ARID2: variants seen among roughly 807,000 people sequenced by gnomAD.
ARID2 encodes AT-rich interaction domain 2.
In ARID2, 32 loss-of-function variants were observed where a neutral mutation model predicts 184.6. That is an observed-to-expected ratio of 0.17 (90% CI 0.13 to 0.23). The LOEUF is 0.23. ARID2 is among the 10% of genes least tolerant of loss of function. The probability of loss-of-function intolerance (pLI) is 1.00; values close to 1 mark genes in which losing one functional copy is unlikely to be tolerated. For missense variants in ARID2, 1,696 were observed against 2,197.6 expected (o/e 0.77, Z 4.56); for synonymous variants, 836 against 772.6 (o/e 1.08, Z -1.36).
chr12:45,824,241 A>G (rs930925892), intron 6 of ARID2, among the ~76,000 whole-genome samples: 3 of 152,098 alleles, frequency 2.0e-5, no homozygotes, highest in African/African-American at 4.8e-5. Context: ...TTCTATGCCT[A>G]ATTTCTTGAA....
At chr12:45,802,874 C>G (rs1942532308) in intron 3 of ARID2, among the ~76,000 whole-genome samples, 1 of 152,152 alleles carries the variant, frequency 6.6e-6, no homozygotes, top group Non-Finnish European at 1.5e-5. Flanking sequence ...AACTTCTTTG[C>G]CACGTTCGTC....
intron 3 of ARID2, among the ~76,000 whole-genome samples, chr12:45,738,248 A>G (rs1187464907): frequency 6.6e-6 from 1 of 152,142 alleles, no homozygotes; most frequent in East Asian, 1.9e-4. Context: ...ACTAACAATA[A>G]CCTGTTTTGT....
At chr12:45,736,628 G>T (rs1357962822) in intron 3 of ARID2, among the ~76,000 whole-genome samples, 1 of 152,176 alleles carries the variant, frequency 6.6e-6, no homozygotes, top group Non-Finnish European at 1.5e-5. Flanking sequence ...GGAGCAGACG[G>T]ATGGGGTTGA....
At chr12:45,759,291 T>C (rs1480497482) in intron 3 of ARID2, among the ~76,000 whole-genome samples, 1 of 152,174 alleles carries the variant, frequency 6.6e-6, no homozygotes, top group Admixed American at 6.6e-5. Flanking sequence ...ATTGGTGATA[T>C]GTATATGTGT....
At chr12:45,797,931 GAA>G (rs1009009935) in intron 3 of ARID2, among the ~76,000 whole-genome samples, 4 of 151,684 alleles carry the variant, frequency 2.6e-5, no homozygotes, top group African/African-American at 9.7e-5. Context: ...TTCTTAAAAA[GAA>G]AATAAATAAT....
intron 4 of ARID2, among the ~76,000 whole-genome samples, chr12:45,817,157 A>G (rs995296595): frequency 1.3e-5 from 2 of 152,120 alleles, no homozygotes; most frequent in African/African-American, 4.8e-5. Context: ...GTAGATTGAG[A>G]CACCAGCCCG....
intron 15 of ARID2, among the ~76,000 whole-genome samples, chr12:45,855,790 C>T (rs1370525500): frequency 3.3e-5 from 5 of 152,180 alleles, no homozygotes; most frequent in African/African-American, 1.2e-4. Flanking sequence ...AATCACAGCT[C>T]ACTGCAGCCT....
chr12:45,849,440 A>G, intron 13 of ARID2, 140 bp from the exon 14 acceptor site: 1 of 533,200 alleles, frequency 1.9e-6, no homozygotes. Context: ...TTTGCTTTCC[A>G]TCCTTGCAGA....
chr12:45,895,499 TAGAC>T (rs1188469272), intron 20 of ARID2, among the ~76,000 whole-genome samples: 1 of 152,290 alleles, frequency 6.6e-6, no homozygotes, highest in East Asian at 1.9e-4. Flanking sequence ...ATTTGATTGA[TAGAC>T]AGGTGGTGGG....
intron 12 of ARID2, 100 bp downstream of exon 12, chr12:45,847,037 A>T (rs1021319659): frequency 9.5e-7 from 1 of 1,051,190 alleles, no homozygotes; most frequent in African/African-American, 1.6e-5. Flanking sequence ...TTTGTTCTGT[A>T]TTCCTTTTTA....
At position 45,905,503 on chromosome 12, in the gene ARID2, G is replaced by A. The variant is rs1352179797; in HGVS notation, c.*425G>A. On this transcript the variant is annotated 3_prime_UTR_variant, in exon 21 of 21. Coordinates refer to ENST00000334344, the MANE Select transcript of ARID2 (RefSeq NM_152641.4). ...AGCACATTTTTATATTTACAAAACCGTTTAAGCTGGTTTGAATAATTTAAA... is the reference window on the plus strand; with the variant it reads ...AGCACATTTTTATATTTACAAAACCATTTAAGCTGGTTTGAATAATTTAAA... 1.3e-5 allele frequency: 3 copies of A among 233,318 alleles called. No homozygotes were observed. Among genetic ancestry groups the A allele is most frequent in the African/African-American group, 4.4e-5 (2 of 45,294 alleles). The allele number at this position is 233,318 out of a possible 1,614,324, so 14.5% of individuals were successfully genotyped here.
intron 12 of ARID2, among the ~76,000 whole-genome samples, chr12:45,847,399 G>T (rs1943462953): frequency 6.6e-6 from 1 of 152,012 alleles, no homozygotes; most frequent in Non-Finnish European, 1.5e-5. Flanking sequence ...TTTTGGGTTT[G>T]TAATAGTAGA....
chr12:45,902,941 A>T (rs759366984), intron 20 of ARID2, among the ~76,000 whole-genome samples: 17 of 152,224 alleles, frequency 1.1e-4, no homozygotes, highest in Non-Finnish European at 2.1e-4. Flanking sequence ...TATAAAACAG[A>T]AGTGTAAAGT....
intron 3 of ARID2, among the ~76,000 whole-genome samples, chr12:45,747,755 TAACA>T (rs898996629): frequency 3.9e-5 from 6 of 152,246 alleles, no homozygotes; most frequent in Non-Finnish European, 8.8e-5. Flanking sequence ...GAATATTAAT[TAACA>T]TTGTGGTAAA....
intron 12 of ARID2, among the ~76,000 whole-genome samples, 188 bp from the exon 13 acceptor site, chr12:45,848,648 G>A (rs886275307): frequency 1.3e-5 from 2 of 151,974 alleles, no homozygotes; most frequent in Non-Finnish European, 2.9e-5. Flanking sequence ...ACTAAAATAA[G>A]CATGTTAATC....
intron 3 of ARID2, among the ~76,000 whole-genome samples, chr12:45,790,749 G>A (rs1052322323): frequency 1.9e-4 from 29 of 152,250 alleles, no homozygotes; most frequent in Admixed American, 1.4e-3. Flanking sequence ...ATCTTGGCTA[G>A]CATTTCTAGG....
chr12:45,865,211 C>A (rs1943813535), intron 16 of ARID2, among the ~76,000 whole-genome samples: 1 of 152,116 alleles, frequency 6.6e-6, no homozygotes, highest in Non-Finnish European at 1.5e-5. Context: ...TTAAGTACAA[C>A]AAGGTTTTTA....
chr12:45,870,555 C>A (rs1006297710), intron 16 of ARID2, among the ~76,000 whole-genome samples: 1 of 152,140 alleles, frequency 6.6e-6, no homozygotes, highest in African/African-American at 2.4e-5. Context: ...CAGTAACATG[C>A]AGAGTACCTT....
At chr12:45,834,378 T>A (rs941692084) in intron 6 of ARID2, among the ~76,000 whole-genome samples, 10 of 152,194 alleles carry the variant, frequency 6.6e-5, no homozygotes, top group African/African-American at 2.4e-4. Context: ...GTTTTTTATT[T>A]GTCAGAAAAT....
Sources: allele counts gnomAD v4.1 joint callset (sites outside exome capture counted in the v4.1 genomes callset), GRCh38; gene constraint gnomAD v4.1.1; transcripts MANE v1.5; gene names NCBI Gene and HGNC (gene_info 2026-07-23, HGNC 2026-07-21).